Variants in CHSY3 observed in about 807,000 individuals in gnomAD.
The protein encoded by CHSY3 is chondroitin sulfate synthase 3.
CHSY3 carries 35 observed loss-of-function variants against 67.2 expected under a neutral mutation model. That is an observed-to-expected ratio of 0.52 (90% CI 0.40 to 0.69). The LOEUF (loss-of-function observed/expected upper bound fraction) is 0.69, where lower values mean the gene tolerates loss of function less well. CHSY3 is among the 30% of genes least tolerant of loss of function. The pLI, the probability that CHSY3 is intolerant of heterozygous loss-of-function variation, is 0.00. For synonymous variants in CHSY3, 474 were observed against 434.7 expected (o/e 1.09, Z -1.12); for missense variants, 1,069 against 1,138.5 (o/e 0.94, Z 0.88).
At chr5:130,002,018 CT>C (rs1042010392) in intron 2 of CHSY3, 7 of 875,284 alleles carry the variant, frequency 8.0e-6, no homozygotes, top group Non-Finnish European at 9.6e-6. Context: ...TCTCTAAGTC[CT>C]TTTTCTGTGT....
Position 129,905,180 on chromosome 5 carries a change from G to C in CHSY3, c.351G>C (p.Glu117Asp). Residue 117 changes from glutamate (E) to aspartate (D), a missense_variant, in exon 1 of 3, where the codon GAG (glutamate) becomes GAC (aspartate). By Grantham distance (45) the Glu-to-Asp change is conservative. Transcript: ENST00000305031. ...PPLQQRRRGR[E>D]PEGATGLPGA... ...TGCAGCAGCGGCGGCGAGGACGCGAGCCTGAGGGCGCGACGGGGCTTCCCG... is the reference window on the plus strand; with the variant it reads ...TGCAGCAGCGGCGGCGAGGACGCGACCCTGAGGGCGCGACGGGGCTTCCCG... 1 of 1,522,442 alleles carries C rather than the reference G, an allele frequency of 6.6e-7. No individual in the cohort carries two copies. The allele number at this position is 1,522,442 out of a possible 1,614,324, so 94.3% of individuals were successfully genotyped here.
At chr5:130,172,093 T>C (rs371923054) in intron 2 of CHSY3, among the ~76,000 whole-genome samples, 1 of 152,136 alleles carries the variant, frequency 6.6e-6, no homozygotes, top group African/African-American at 2.4e-5. Context: ...AGGATTATAG[T>C]GTGCAAAATA....
At chr5:130,036,283 C>G (rs1392827190) in intron 2 of CHSY3, among the ~76,000 whole-genome samples, 1 of 152,096 alleles carries the variant, frequency 6.6e-6, no homozygotes, top group Non-Finnish European at 1.5e-5. Flanking sequence ...TATCTTCTCA[C>G]TTTGTTTGAC....
intron 2 of CHSY3, among the ~76,000 whole-genome samples, chr5:129,966,939 T>C (rs756814098): frequency 4.0e-5 from 6 of 151,860 alleles, no homozygotes; most frequent in Non-Finnish European, 7.4e-5. Context: ...AAAGTACTCC[T>C]TGTGTAGGGT....
At chr5:129,933,761 A>G (rs1761400093) in intron 2 of CHSY3, among the ~76,000 whole-genome samples, 1 of 152,268 alleles carries the variant, frequency 6.6e-6, no homozygotes, top group East Asian at 1.9e-4. Context: ...TCTTTTGTAT[A>G]ATTCTATTCT....
intron 2 of CHSY3, among the ~76,000 whole-genome samples, chr5:129,991,750 A>G (rs1025572703): frequency 1.3e-5 from 2 of 152,140 alleles, no homozygotes; most frequent in Admixed American, 1.3e-4. Flanking sequence ...GGAAGAAGAA[A>G]AGAAAGAGTA....
chr5:129,930,726 A>C (rs2149588479), intron 2 of CHSY3, among the ~76,000 whole-genome samples: 1 of 152,210 alleles, frequency 6.6e-6, no homozygotes, highest in South Asian at 2.1e-4. Flanking sequence ...TGACTACCTA[A>C]GAGTCCCAGC....
chr5:130,148,258 C>T (rs766291753), intron 2 of CHSY3, among the ~76,000 whole-genome samples: 34 of 152,168 alleles, frequency 2.2e-4, no homozygotes, highest in Non-Finnish European at 4.0e-4. Flanking sequence ...CATAGTATTC[C>T]ATGGTGTATA....
chr5:130,062,354 C>T (rs996819340), intron 2 of CHSY3, among the ~76,000 whole-genome samples: 3 of 151,972 alleles, frequency 2.0e-5, no homozygotes, highest in African/African-American at 7.3e-5. Flanking sequence ...AGTGGGCACA[C>T]ATGGACATAA....
At chr5:130,103,616 G>T (rs187531347) in intron 2 of CHSY3, among the ~76,000 whole-genome samples, 44 of 152,062 alleles carry the variant, frequency 2.9e-4, no homozygotes, top group Middle Eastern at 3.4e-3. Context: ...GAAAAATATA[G>T]AGAGAGATAT....
intron 2 of CHSY3, among the ~76,000 whole-genome samples, chr5:130,178,366 C>T (rs1393718508): frequency 6.7e-6 from 1 of 149,668 alleles, no homozygotes; most frequent in Non-Finnish European, 1.5e-5. Context: ...CGCCATTCTT[C>T]CTCAGCCTCC....
At chr5:129,930,172 A>G (rs1489328754) in intron 2 of CHSY3, among the ~76,000 whole-genome samples, 5 of 151,934 alleles carry the variant, frequency 3.3e-5, no homozygotes, top group Admixed American at 6.6e-5. Flanking sequence ...ATCTCTACTA[A>G]AAATACAAAA....
At chr5:130,181,462 C>T (rs1326426206) in intron 2 of CHSY3, among the ~76,000 whole-genome samples, 1 of 152,102 alleles carries the variant, frequency 6.6e-6, no homozygotes, top group African/African-American at 2.4e-5. Flanking sequence ...TTCTCTCTCT[C>T]TCTGTCTCTC....
intron 2 of CHSY3, among the ~76,000 whole-genome samples, chr5:129,934,236 A>T (rs1761415244): frequency 6.6e-6 from 1 of 152,200 alleles, no homozygotes; most frequent in Non-Finnish European, 1.5e-5. Context: ...ATGAGATAAA[A>T]TATAATTCAA....
intron 2 of CHSY3, among the ~76,000 whole-genome samples, chr5:130,097,770 G>A (rs539498108): frequency 5.3e-5 from 8 of 152,288 alleles, no homozygotes; most frequent in Middle Eastern, 3.4e-3. Flanking sequence ...TTGGGAGGCC[G>A]AGGCGGGCGG....
At chr5:130,085,011 G>A (rs1580717668) in intron 2 of CHSY3, among the ~76,000 whole-genome samples, 1 of 152,006 alleles carries the variant, frequency 6.6e-6, no homozygotes, top group South Asian at 2.1e-4. Context: ...TGTTAACGCT[G>A]GTCAGCTATA....
At chr5:129,994,902 TG>T (rs1580627241) in intron 2 of CHSY3, among the ~76,000 whole-genome samples, 1 of 48,108 alleles carries the variant, frequency 2.1e-5, no homozygotes, top group Non-Finnish European at 4.2e-5. Flanking sequence ...TGTTGTGGGG[TG>T]GGGGGATGGG....
At chr5:129,977,868 T>TAA (rs57958050) in intron 2 of CHSY3, among the ~76,000 whole-genome samples, 2 of 140,430 alleles carry the variant, frequency 1.4e-5, no homozygotes, top group African/African-American at 5.3e-5. Flanking sequence ...ATATAAGAAG[T>TAA]AAAAAAAAAA....
chr5:129,904,497 T>A lies in CHSY3; in HGVS notation c.-333T>A, dbSNP rs925830529. The stretch of plus-strand genomic sequence containing the variant: ...GGGTGGCAGCCTAGGAGCGGACGCG[T>A]TGCCGCCGCCGCTGCTCCTCCTCCT... On this transcript the variant is annotated 5_prime_UTR_variant, in exon 1 of 3. The change creates a new upstream start codon in the 5' untranslated region. Transcript: ENST00000305031. The A allele has an allele frequency of 1.3e-5, 3 of 229,170 alleles. No homozygotes were observed. Among genetic ancestry groups the A allele is most frequent in the Non-Finnish European group, 2.5e-5 (3 of 119,252 alleles). 14.2% of individuals were successfully genotyped at this position (229,170 alleles called of 1,614,324 possible). A position where few individuals can be genotyped will look rare whatever the true frequency, so the allele number is the denominator to read the frequency against.
Sources: allele counts gnomAD v4.1 joint callset (sites outside exome capture counted in the v4.1 genomes callset), GRCh38; gene constraint gnomAD v4.1.1; transcripts MANE v1.5; gene names NCBI Gene and HGNC (gene_info 2026-07-23, HGNC 2026-07-21).